The following CCDC3 variants were observed in gnomAD, a reference collection of about 807,000 sequenced individuals.
CCDC3 encodes coiled-coil domain containing 3, also known as coiled-coil domain-containing protein 3.
Under a neutral mutation model 21.4 loss-of-function variants are expected in CCDC3, and 24 were observed. The ratio of observed to expected loss-of-function variants is 1.12; its 90% CI spans 0.81 to 1.58. The LOEUF (loss-of-function observed/expected upper bound fraction) is 1.58. CCDC3 is among the 40% of genes most tolerant of loss of function. CCDC3 has a pLI of 0.00. For missense variants in CCDC3, 425 were observed against 360.9 expected (o/e 1.18, Z -1.44); for synonymous variants, 186 against 166.0 (o/e 1.12, Z -0.93).
chr10:12,998,596 C>G lies in CCDC3; in HGVS notation c.375-84G>C, dbSNP rs1255448128. ...AATCCAGAGTCACAGACAACTGCAA[C>G]GGGCTTGCCAATTTCACATCAATGT... On this transcript the variant is annotated intron_variant, in intron 1 of 2. Coordinates refer to ENST00000378825, the MANE Select transcript of CCDC3 (RefSeq NM_031455.4). The G allele has an allele frequency of 6.2e-6, 8 of 1,289,782 alleles. No individual in the cohort carries two copies. In the South Asian group the frequency reaches 1.1e-4, roughly 18 times the overall value. The allele number at this position is 1,289,782 out of a possible 1,614,324, so 79.9% of individuals were successfully genotyped here.
intron 5 of CCDC3, among the ~76,000 whole-genome samples, chr10:13,042,620 G>A (rs1259795730): frequency 6.6e-6 from 1 of 152,152 alleles, no homozygotes; most frequent in Non-Finnish European, 1.5e-5. Flanking sequence ...AAACTCCATG[G>A]CTTCTCAGCC....
intron 2 of CCDC3, among the ~76,000 whole-genome samples, chr10:12,923,551 G>A (rs1277064026): frequency 6.6e-6 from 1 of 152,134 alleles, no homozygotes; most frequent in Non-Finnish European, 1.5e-5. Flanking sequence ...ATGGCTCTTG[G>A]AACCTCCCTT....
rs35275675 is a variant in CCDC3, at chr10:13,001,248, G to A, written c.323C>T (p.Ser108Leu). The change falls in exon 1 of 3, where the codon TCG becomes TTG. Residue 108 changes from serine to leucine, a missense_variant. Physicochemically the swap from Ser to Leu is moderately radical, Grantham distance 145 (BLOSUM62 -2). Transcript: ENST00000378825. ...CTGGACCACGGTGTGGGAGTGGCAC[G>A]AGAAGTAGCCCAGGCCGGTGAGGTT... is the stretch of plus-strand genomic sequence containing the variant. ...RLNLTGLGYF[S>L]CHSHTVVQDY... 6.7e-5 allele frequency: 107 copies of A among 1,589,524 alleles called. No individual in the cohort carries two copies. In the African/African-American group the frequency reaches 1.1e-3, roughly 17 times the overall value.
chr10:13,043,455 T>C (rs186746485), intron 5 of CCDC3, among the ~76,000 whole-genome samples: 2 of 152,146 alleles, frequency 1.3e-5, no homozygotes, highest in African/African-American at 4.8e-5. Context: ...TAGCCAGGCG[T>C]GGTGATGTGC....
chr10:12,916,241 G>T (rs1043792660), intron 2 of CCDC3, among the ~76,000 whole-genome samples: 1 of 152,104 alleles, frequency 6.6e-6, no homozygotes, highest in Non-Finnish European at 1.5e-5. Flanking sequence ...AGACCAGCCT[G>T]GCCAACATGG....
chr10:13,024,082 C>T (rs1478292981), intron 5 of CCDC3, among the ~76,000 whole-genome samples: 1 of 152,146 alleles, frequency 6.6e-6, no homozygotes, highest in Non-Finnish European at 1.5e-5. Flanking sequence ...GCCCTCTGTG[C>T]TTTAGGCTCT....
At chr10:13,010,375 C>T (rs747262225) in intron 5 of CCDC3, among the ~76,000 whole-genome samples, 4 of 152,146 alleles carry the variant, frequency 2.6e-5, no homozygotes, top group East Asian at 1.9e-4. Flanking sequence ...CATGAAAAAA[C>T]GCTCAAAGTC....
chr10:12,933,905 C>CTTGAA (rs1159677333), intron 2 of CCDC3, among the ~76,000 whole-genome samples: 1 of 151,962 alleles, frequency 6.6e-6, no homozygotes, highest in East Asian at 1.9e-4. Flanking sequence ...AAAGAATCAG[C>CTTGAA]TCTTTTGATT....
chr10:12,974,045 C>T (rs938692535), intron 2 of CCDC3, among the ~76,000 whole-genome samples: 2 of 152,210 alleles, frequency 1.3e-5, no homozygotes, highest in Admixed American at 6.5e-5. Context: ...AACCAGGCAG[C>T]ATTCCAGAAA....
intron 5 of CCDC3, among the ~76,000 whole-genome samples, chr10:13,022,120 A>G (rs1836154720): frequency 6.6e-6 from 1 of 152,114 alleles, no homozygotes; most frequent in African/African-American, 2.4e-5. Flanking sequence ...GAGATGAGGA[A>G]TGACTAAGTT....
At chr10:13,060,320 G>C (rs561270941) in intron 4 of CCDC3, among the ~76,000 whole-genome samples, 2 of 152,160 alleles carry the variant, frequency 1.3e-5, no homozygotes, top group East Asian at 3.9e-4. Flanking sequence ...TGGCTCTCTT[G>C]GGAAAACTGC....
chr10:12,999,710 G>A (rs577234577), intron 1 of CCDC3, among the ~76,000 whole-genome samples: 101 of 152,294 alleles, frequency 6.6e-4, no homozygotes, highest in African/African-American at 2.3e-3. Context: ...GGAACTATTG[G>A]ACAAACTGTA....
chr10:13,058,285 A>G, intron 4 of CCDC3: 1 of 1,364,380 alleles, frequency 7.3e-7, no homozygotes, highest in Non-Finnish European at 1.0e-6. Flanking sequence ...TGCTTTCCAC[A>G]TCGTATTCAT....
At chr10:13,090,030 G>A (rs1052768294) in intron 3 of CCDC3, among the ~76,000 whole-genome samples, 16 of 109,400 alleles carry the variant, frequency 1.5e-4, no homozygotes, top group African/African-American at 3.4e-4. Context: ...GTAGTATTCC[G>A]TTAGATATAT....
intron 2 of CCDC3, among the ~76,000 whole-genome samples, chr10:12,938,193 C>A (rs1834769749): frequency 1.3e-5 from 2 of 152,190 alleles, no homozygotes; most frequent in Admixed American, 6.5e-5. Context: ...AAACTAACCT[C>A]CACCCACAGA....
chr10:13,040,333 G>T (rs11258151), intron 5 of CCDC3, among the ~76,000 whole-genome samples: 31 of 152,314 alleles, frequency 2.0e-4, no homozygotes, highest in African/African-American at 7.5e-4. Context: ...GCCAGCCCAA[G>T]ATAGGCTGTG....
intron 2 of CCDC3, among the ~76,000 whole-genome samples, chr10:12,910,276 G>C (rs1360163724): frequency 6.6e-6 from 1 of 152,244 alleles, no homozygotes; most frequent in Non-Finnish European, 1.5e-5. Context: ...TGTGCCGCTT[G>C]CTGGCTACGT....
Position 13,001,615 on chromosome 10 carries a change from G to C in CCDC3, c.-45C>G. The C allele has an allele frequency of 1.8e-6, 2 of 1,095,836 alleles. No individual in the cohort carries two copies. The highest frequency in any genetic ancestry group is 4.4e-5 in the South Asian group (1 of 22,598). 67.9% of individuals were successfully genotyped at this position (1,095,836 alleles called of 1,614,324 possible). Reference sequence around the variant, plus strand: ...CACGGGGCGGCGGCGGGGAGCCCGGGGAGCCCGCCGGCCCGGGAAGGGCAG... The same window carrying C: ...CACGGGGCGGCGGCGGGGAGCCCGGCGAGCCCGCCGGCCCGGGAAGGGCAG... On this transcript the variant is annotated 5_prime_UTR_variant, in exon 1 of 3. Transcript: ENST00000378825.
chr10:13,067,635 T>C (rs1402416332), intron 4 of CCDC3, among the ~76,000 whole-genome samples: 1 of 152,210 alleles, frequency 6.6e-6, no homozygotes, highest in Non-Finnish European at 1.5e-5. Flanking sequence ...TCCACCATTT[T>C]ACAATGGCGG....
Sources: gnomAD v4.1 joint callset for allele counts (sites outside exome capture counted in the v4.1 genomes callset) on GRCh38, gnomAD v4.1.1 for gene constraint, MANE v1.5 for transcripts, NCBI Gene and HGNC (gene_info 2026-07-23, HGNC 2026-07-21) for gene names.